The following CALD1 variants were observed in gnomAD, a reference collection of about 807,000 sequenced individuals.
CALD1 encodes the protein caldesmon.
Under a neutral mutation model 99.9 loss-of-function variants are expected in CALD1, and 33 were observed. The ratio of observed to expected loss-of-function variants is 0.33; its 90% CI spans 0.25 to 0.44. The LOEUF (loss-of-function observed/expected upper bound fraction) is 0.44, where lower values mean the gene tolerates loss of function less well. CALD1 is among the 20% of genes least tolerant of loss of function. The pLI is 1.00. For synonymous variants in CALD1, 310 were observed against 325.0 expected, an observed-to-expected ratio of 0.95 and a Z score of 0.50; for missense variants, 861 against 962.1, an observed-to-expected ratio of 0.89 and a Z score of 1.39.
chr7:134,956,080 A>G (rs1342647989), intron 9 of CALD1, among the ~76,000 whole-genome samples: 1 of 150,740 alleles, frequency 6.6e-6, no homozygotes, highest in African/African-American at 2.5e-5. Context: ...GATGTTTTAT[A>G]TATCCCATAA....
intron 3 of CALD1, among the ~76,000 whole-genome samples, chr7:134,917,408 G>A (rs921133881): frequency 1.3e-5 from 2 of 152,124 alleles, no homozygotes; most frequent in African/African-American, 4.8e-5. Flanking sequence ...GAGTGCAATG[G>A]CGTGGTCTCA....
At chr7:134,738,726 T>G in the CALD1 span, among the ~76,000 whole-genome samples, 4 of 152,240 alleles carry the variant, frequency 2.6e-5, no homozygotes, top group Non-Finnish European at 4.4e-5. Flanking sequence ...TTCTGTCAAC[T>G]CTGTTATGTC....
At chr7:134,883,554 C>A (rs1314061620) in intron 3 of CALD1, among the ~76,000 whole-genome samples, 1 of 152,056 alleles carries the variant, frequency 6.6e-6, no homozygotes, top group African/African-American at 2.4e-5. Context: ...ATTTGCTTTT[C>A]CTGTTTTAAT....
Position 134,877,137 on chromosome 7 carries a change from T to C in CALD1, c.71+9333T>C, listed in dbSNP as rs1801389029. Among the ~76,000 whole-genome samples, 4 of 152,172 alleles carry C rather than the reference T, an allele frequency of 2.6e-5. No individual in the cohort carries two copies. In the South Asian group the frequency reaches 8.3e-4, roughly 32 times the overall value. On this transcript the variant is annotated intron_variant, in intron 3 of 14. Coordinates refer to ENST00000361675, the MANE Select transcript of CALD1 (RefSeq NM_033138.4). ...CTCATTCTGTTACCTCTTGTTGCTG[T>C]TTTTCTGCTGGCTGAAGGACATGGT... is the stretch of plus-strand genomic sequence containing the variant.
At chr7:134,799,175 C>T (rs1332009573) in intron 1 of CALD1, among the ~76,000 whole-genome samples, 5 of 152,098 alleles carry the variant, frequency 3.3e-5, no homozygotes, top group Admixed American at 2.6e-4. Context: ...AAATATATCA[C>T]GATGAGGAAA....
chr7:134,816,509 A>T (rs1454456212), intron 1 of CALD1, among the ~76,000 whole-genome samples: 1 of 152,226 alleles, frequency 6.6e-6, no homozygotes, highest in Non-Finnish European at 1.5e-5. Flanking sequence ...TTCTTAGATC[A>T]TGTGTACATG....
chr7:134,954,968 TC>T (rs1188521118), intron 9 of CALD1, among the ~76,000 whole-genome samples: 1 of 152,166 alleles, frequency 6.6e-6, no homozygotes, highest in African/African-American at 2.4e-5. Context: ...CTTCTCCACC[TC>T]CCCCAGATAG....
At chr7:134,823,666 T>G (rs1157507272) in intron 1 of CALD1, among the ~76,000 whole-genome samples, 1 of 152,190 alleles carries the variant, frequency 6.6e-6, no homozygotes, top group Non-Finnish European at 1.5e-5. Flanking sequence ...AAAAAATGAC[T>G]CATTTCATAG....
At chr7:134,720,044 A>ACC in the CALD1 span, among the ~76,000 whole-genome samples, 2 of 152,162 alleles carry the variant, frequency 1.3e-5, no homozygotes, top group South Asian at 4.2e-4. Context: ...TGCTTTCAGC[A>ACC]CCTATGTTTA....
At chr7:134,774,122 A>G (rs1342571668) in intron 1 of CALD1, among the ~76,000 whole-genome samples, 1 of 144,918 alleles carries the variant, frequency 6.9e-6, no homozygotes, top group Non-Finnish European at 1.5e-5. Flanking sequence ...GTGAGCTGAC[A>G]TGGTGCCACT....
intron 1 of CALD1, among the ~76,000 whole-genome samples, chr7:134,771,092 C>T (rs951969487): frequency 1.3e-5 from 2 of 152,194 alleles, no homozygotes; most frequent in Non-Finnish European, 2.9e-5. Flanking sequence ...GCTCTCAGCT[C>T]CTTCTCAGCC....
chr7:134,784,304 T>C (rs1267165382), intron 1 of CALD1, among the ~76,000 whole-genome samples: 1 of 152,226 alleles, frequency 6.6e-6, no homozygotes, highest in Non-Finnish European at 1.5e-5. Flanking sequence ...CACCCACATA[T>C]AACATTCCCC....
chr7:134,899,175 A>C (rs991777500), intron 3 of CALD1, among the ~76,000 whole-genome samples: 2 of 151,146 alleles, frequency 1.3e-5, no homozygotes, highest in African/African-American at 4.9e-5. Context: ...TCTCACACAG[A>C]CATTGGTTAG....
chr7:134,865,783 A>G (rs1309166472), intron 2 of CALD1, among the ~76,000 whole-genome samples: 1 of 152,168 alleles, frequency 6.6e-6, no homozygotes, highest in African/African-American at 2.4e-5. Flanking sequence ...ACTGCTCATT[A>G]GCACCTCTAC....
upstream of CALD1, among the ~76,000 whole-genome samples, chr7:134,741,725 G>A (rs185985748): frequency 5.3e-5 from 8 of 152,102 alleles, no homozygotes; most frequent in East Asian, 5.8e-4. Flanking sequence ...TTTACAGTTC[G>A]TTTTTTATTT....
At chr7:134,883,712 C>T (rs1801713937) in intron 3 of CALD1, among the ~76,000 whole-genome samples, 1 of 152,210 alleles carries the variant, frequency 6.6e-6, no homozygotes, top group African/African-American at 2.4e-5. Flanking sequence ...AAGAGCATTT[C>T]TGATAAATAC....
intron 2 of CALD1, among the ~76,000 whole-genome samples, chr7:134,865,781 T>C (rs1471426134): frequency 2.6e-5 from 4 of 152,160 alleles, no homozygotes; most frequent in African/African-American, 9.7e-5. Flanking sequence ...TCACTGCTCA[T>C]TAGCACCTCT....
rs1391760068 is a variant in CALD1, at chr7:134,958,300, G to C, written c.2061+10G>C. ...TACCAGTGCAATTGAGGTGAGAATT[G>C]TCCTCAGCGTTATGGTCCTGCTGAA... On this transcript the variant is annotated intron_variant, in intron 11 of 14. Transcript: ENST00000361675. 2 of 1,603,422 alleles carry C rather than the reference G, an allele frequency of 1.2e-6. No homozygotes were observed. The highest frequency in any genetic ancestry group is 2.2e-5 in the South Asian group (2 of 90,854).
chr7:134,917,252 T>C (rs1480326217), intron 3 of CALD1, among the ~76,000 whole-genome samples: 2 of 152,244 alleles, frequency 1.3e-5, no homozygotes, highest in Non-Finnish European at 2.9e-5. Context: ...CTTTAATAGA[T>C]AATAGCAGTC....
Sources: allele counts gnomAD v4.1 joint callset (sites outside exome capture counted in the v4.1 genomes callset), GRCh38; gene constraint gnomAD v4.1.1; transcripts MANE v1.5; gene names NCBI Gene and HGNC (gene_info 2026-07-23, HGNC 2026-07-21).